RGS3: variants seen among roughly 807,000 people sequenced by gnomAD.
RGS3 encodes the protein regulator of G protein signaling 3, also known as regulator of G-protein signalling 3.
RGS3 carries 80 observed loss-of-function variants against 132.6 expected under a neutral mutation model. The observed-to-expected ratio is 0.60, with a 90% CI of 0.50 to 0.73. The LOEUF is 0.73. Ranked by LOEUF, RGS3 falls within the 30% of genes least tolerant of loss-of-function variation. The pLI, the probability that RGS3 is intolerant of heterozygous loss-of-function variation, is 0.00. For synonymous variants in RGS3, 598 were observed against 620.6 expected, an observed-to-expected ratio of 0.96 and a Z score of 0.54; for missense variants, 1,382 against 1,530.8, an observed-to-expected ratio of 0.90 and a Z score of 1.62.
intron 19 of RGS3, chr9:113,581,025 G>A: frequency 1.0e-6 from 1 of 957,556 alleles, no homozygotes; most frequent in Non-Finnish European, 1.2e-6. Flanking sequence ...TGGGCCAGGG[G>A]GTGGGTCGGG....
intron 19 of RGS3, among the ~76,000 whole-genome samples, chr9:113,550,054 A>G (rs534310650): frequency 1.9e-4 from 29 of 152,360 alleles, no homozygotes; most frequent in African/African-American, 7.0e-4. Flanking sequence ...TTCAACACCT[A>G]GTACGCATTC....
At chr9:113,475,905 A>G (rs764681978) in intron 3 of RGS3, among the ~76,000 whole-genome samples, 1 of 152,026 alleles carries the variant, frequency 6.6e-6, no homozygotes, top group Non-Finnish European at 1.5e-5. Context: ...AGACATTTCT[A>G]GGAGGCTGCC....
At position 113,560,777 on chromosome 9, in the gene RGS3, G is replaced by A. The variant is rs180773262; in HGVS notation, c.2038-22673G>A. On this transcript the variant is annotated intron_variant, in intron 19 of 24. Coordinates refer to ENST00000350696, the Ensembl canonical transcript of RGS3. ...TAGCAGATTCAAAGCTTGGACTGGGGTGGCCATATACAGACACTTCCATAG... is the reference window on the plus strand; with the variant it reads ...TAGCAGATTCAAAGCTTGGACTGGGATGGCCATATACAGACACTTCCATAG... Among the ~76,000 whole-genome samples the A allele has an allele frequency of 3.3e-4, 50 of 152,336 alleles. 1 individual carries two copies. The East Asian group carries it at 9.4e-3, about 29-fold the overall frequency.
chr9:113,562,661 C>G (rs1833843967), intron 19 of RGS3, among the ~76,000 whole-genome samples: 1 of 151,626 alleles, frequency 6.6e-6, no homozygotes, highest in African/African-American at 2.4e-5. Flanking sequence ...GGTGCTGACC[C>G]CTGGGCCTGT....
exon 10 of RGS3, chr9:113,498,079 A>G (rs1830744286): frequency 1.9e-6 from 3 of 1,613,892 alleles, no homozygotes; most frequent in Middle Eastern, 3.3e-4. Flanking sequence ...AAGAAACTAA[A>G]GGTAGGTGGG....
chr9:113,449,841 C>G (rs186305790), intron 1 of RGS3, among the ~76,000 whole-genome samples: 1 of 151,068 alleles, frequency 6.6e-6, no homozygotes, highest in African/African-American at 2.4e-5. Flanking sequence ...CTCCCAGGTT[C>G]AAGTGATTCT....
At chr9:113,474,030 C>T (rs1421281209) in intron 3 of RGS3, among the ~76,000 whole-genome samples, 15 of 152,114 alleles carry the variant, frequency 9.9e-5, no homozygotes, top group Non-Finnish European at 1.5e-4. Context: ...TTGCCCAGGA[C>T]GGACCTAGAA....
chr9:113,548,679 C>G (rs1057039391), intron 19 of RGS3, among the ~76,000 whole-genome samples: 2 of 152,192 alleles, frequency 1.3e-5, no homozygotes, highest in Non-Finnish European at 2.9e-5. Flanking sequence ...CCCTCACACC[C>G]CCTCCTCATA....
In RGS3 at chr9:113,507,612, C is replaced by T. The variant is rs36062487; in HGVS notation, c.1411C>T (p.Leu471=). The change falls in exon 13 of 25, where the codon CTG becomes TTG. Residue 471 remains leucine (L), a synonymous_variant. Coordinates refer to ENST00000350696, the Ensembl canonical transcript of RGS3. The surrounding 1 kb of genome is among the most constrained non-coding windows in gnomAD (Gnocchi z 5.0). ...CCCCACCGACCCCAACTACATCATC[C>T]TGGCCCCGCTGAATCCTGGGAGCCA... 0.032 allele frequency: 47,142 copies of T among 1,481,620 alleles called. 892 individuals carry two copies. Among genetic ancestry groups the T allele is most frequent in the Non-Finnish European group, 0.037 (40,913 of 1,111,944 alleles). The allele number at this position is 1,481,620 out of a possible 1,614,324, so 91.8% of individuals were successfully genotyped here.
In RGS3 at chr9:113,594,109, C is replaced by T. The variant is rs57845277; in HGVS notation, c.3081-321C>T. 3,373 of 1,613,114 alleles carry T rather than the reference C, an allele frequency of 2.1e-3. 56 individuals carry two copies. In the African/African-American group the frequency reaches 0.035, roughly 17 times the overall value. ...GCTCCTCCTGTCTGAGTCCCAGCCC[C>T]GGCTTGTGCCTGGGAGTCCAGTCAT... is the stretch of plus-strand genomic sequence containing the variant. On this transcript the variant is annotated intron_variant, in intron 21 of 24. Transcript: ENST00000350696.
chr9:113,483,107 C>G (rs563885583), exon 5 of RGS3: 2 of 1,610,364 alleles, frequency 1.2e-6, no homozygotes, highest in South Asian at 2.2e-5. Context: ...ACCTGTGATC[C>G]GTATGTGAAG....
chr9:113,583,540 C>G lies in RGS3; in HGVS notation c.2128C>G (p.Pro710Ala), dbSNP rs201914907. 9 of 1,614,042 alleles carry G rather than the reference C, an allele frequency of 5.6e-6. No homozygotes were observed. The highest frequency in any genetic ancestry group is 7.6e-6 in the Non-Finnish European group (9 of 1,180,038). ...CGAGGATTCCCCACCCAGCAAGGAG[C>G]CCTCTCCTGGCCAGGAGCTTCCTCC... Residue 710 changes from proline to alanine, a missense_variant, in exon 20 of 25, where the codon CCC becomes GCC. Coordinates refer to ENST00000350696, the Ensembl canonical transcript of RGS3.
upstream of RGS3, among the ~76,000 whole-genome samples, chr9:113,457,730 A>G (rs576726621): frequency 6.6e-6 from 1 of 152,344 alleles, no homozygotes; most frequent in African/African-American, 2.4e-5. Context: ...GTTGCTTCAT[A>G]TATAAATACA....
chr9:113,512,594 G>A (rs879587455), intron 14 of RGS3, among the ~76,000 whole-genome samples: 2 of 152,166 alleles, frequency 1.3e-5, no homozygotes, highest in Admixed American at 6.5e-5. Context: ...TTTTATCTCC[G>A]AGGCTGTGGG....
At chr9:113,458,931 T>C (rs1000147037), upstream of RGS3, among the ~76,000 whole-genome samples, 31 of 152,262 alleles carry the variant, frequency 2.0e-4, no homozygotes, top group African/African-American at 7.2e-4. Flanking sequence ...TTTGTATTTT[T>C]AGCAAACATG....
intron 19 of RGS3, chr9:113,582,652 AAT>A (rs1462064102): frequency 6.6e-6 from 1 of 152,110 alleles, no homozygotes; most frequent in Non-Finnish European, 1.5e-5. Context: ...CATTAAGAGA[AAT>A]GTTTTTCTCT....
Position 113,506,306 on chromosome 9 carries a change from C to A in RGS3, c.980-82C>A. 1 of 827,356 alleles carries A rather than the reference C, an allele frequency of 1.2e-6. No homozygotes were observed. Among genetic ancestry groups the A allele is most frequent in the Non-Finnish European group, 2.0e-6 (1 of 503,076 alleles). The allele number at this position is 827,356 out of a possible 1,614,324, so 51.3% of individuals were successfully genotyped here. ...AAAGGGAGGTCCTTGTCTGAGGTCA[C>A]CATGGCAGCAAAGGACTCCAGATCC... On this transcript the variant is annotated intron_variant, in intron 11 of 24. Transcript: ENST00000350696. This position sits in a 1 kb window ranked among gnomAD's most constrained non-coding sequence, Gnocchi z 4.7.
In RGS3 at chr9:113,591,110, C is replaced by T. The variant is rs1301662273; in HGVS notation, c.3016-223C>T. Among the ~76,000 whole-genome samples the T allele has an allele frequency of 6.6e-6, 1 of 152,204 alleles. No homozygotes were observed. Among genetic ancestry groups the T allele is most frequent in the Non-Finnish European group, 1.5e-5 (1 of 68,038 alleles). On this transcript the variant is annotated intron_variant, in intron 20 of 24. Transcript: ENST00000350696. The surrounding 1 kb of genome is among the most constrained non-coding windows in gnomAD (Gnocchi z 4.4). Reference sequence around the variant, plus strand: ...CAGTGAGCTGGGGACCTGACTGTCCCAGGAGGAGATCCCTGTGGCCGGAGA... The same window carrying T: ...CAGTGAGCTGGGGACCTGACTGTCCTAGGAGGAGATCCCTGTGGCCGGAGA...
intron 19 of RGS3, among the ~76,000 whole-genome samples, chr9:113,561,810 G>A (rs1272408665): frequency 1.3e-5 from 2 of 152,236 alleles, no homozygotes; most frequent in African/African-American, 4.8e-5. Context: ...CTGTAGGGGA[G>A]CAGCCTGTCT....
Sources: allele counts gnomAD v4.1 joint callset (sites outside exome capture counted in the v4.1 genomes callset), GRCh38; gene constraint gnomAD v4.1.1; non-coding constraint Gnocchi (gnomAD v3.1); transcripts MANE v1.5; gene names NCBI Gene and HGNC (gene_info 2026-07-23, HGNC 2026-07-21).